MAF: variants seen among roughly 807,000 people sequenced by gnomAD.
MAF encodes MAF bZIP transcription factor.
A neutral mutation model predicts 22.0 loss-of-function variants in MAF; 10 were observed. That is an observed-to-expected ratio of 0.45 (90% CI 0.28 to 0.77). The LOEUF is 0.77. Ranked by LOEUF, MAF falls within the 30% of genes least tolerant of loss-of-function variation. The probability of loss-of-function intolerance (pLI) is 0.12; values close to 1 mark genes in which losing one functional copy is unlikely to be tolerated. For missense variants in MAF, 544 were observed against 548.4 expected (o/e 0.99, Z 0.08); for synonymous variants, 337 against 255.8 (o/e 1.32, Z -3.03).
the MAF span, among the ~76,000 whole-genome samples, chr16:79,567,240 C>T: frequency 2.0e-5 from 3 of 152,088 alleles, no homozygotes; most frequent in African/African-American, 7.2e-5. Context: ...ATCGCTTGAA[C>T]CCAGGAGACA....
the MAF span, among the ~76,000 whole-genome samples, chr16:79,276,334 C>T: frequency 6.6e-6 from 1 of 151,990 alleles, no homozygotes; most frequent in Non-Finnish European, 1.5e-5. Context: ...GACTCGGGGT[C>T]CCCAGCACAG....
downstream of MAF, among the ~76,000 whole-genome samples, chr16:79,584,065 G>A (rs528999834): frequency 6.6e-5 from 10 of 152,162 alleles, no homozygotes; most frequent in African/African-American, 1.9e-4. Flanking sequence ...TGAATATTTT[G>A]TAATATGTCC....
chr16:79,439,538 G>T, the MAF span, among the ~76,000 whole-genome samples: 1 of 152,094 alleles, frequency 6.6e-6, no homozygotes, highest in Non-Finnish European at 1.5e-5. Context: ...GGGATTACAG[G>T]TGTGAGCCAC....
At chr16:79,380,216 A>G in the MAF span, among the ~76,000 whole-genome samples, 3 of 152,210 alleles carry the variant, frequency 2.0e-5, no homozygotes, top group African/African-American at 2.4e-5. Context: ...GCAGACCTTC[A>G]CTTGAGATTC....
At chr16:79,335,982 C>A in the MAF span, among the ~76,000 whole-genome samples, 1 of 152,158 alleles carries the variant, frequency 6.6e-6, no homozygotes, top group Non-Finnish European at 1.5e-5. Context: ...AGCCCAGCTT[C>A]TGGGGATGTG....
At chr16:79,304,633 T>C in the MAF span, among the ~76,000 whole-genome samples, 3 of 152,158 alleles carry the variant, frequency 2.0e-5, no homozygotes, top group Non-Finnish European at 4.4e-5. Flanking sequence ...ATGAAGATTA[T>C]GAAAAATGGT....
chr16:79,221,226 G>A, the MAF span, among the ~76,000 whole-genome samples: 1 of 152,158 alleles, frequency 6.6e-6, no homozygotes, highest in Non-Finnish European at 1.5e-5. Flanking sequence ...ACCTGGTGTG[G>A]CCTAGATTTG....
the MAF span, among the ~76,000 whole-genome samples, chr16:79,223,106 C>A: frequency 6.6e-6 from 1 of 151,568 alleles, no homozygotes; most frequent in Non-Finnish European, 1.5e-5. Context: ...TAAAATTGAC[C>A]ACATAATTGG....
chr16:79,249,180 A>G, the MAF span, among the ~76,000 whole-genome samples: 19,185 of 152,108 alleles, frequency 0.13, 1,473 homozygotes, highest in Middle Eastern at 0.19. Flanking sequence ...AGCACTTTGG[A>G]AAGCTGAGGC....
downstream of MAF, among the ~76,000 whole-genome samples, chr16:79,592,265 C>T (rs1913233043): frequency 6.6e-6 from 1 of 152,242 alleles, no homozygotes; most frequent in East Asian, 1.9e-4. Context: ...TGTGGCAGGA[C>T]TGTGTTTCTT....
the MAF span, among the ~76,000 whole-genome samples, chr16:79,275,198 A>T: frequency 4.6e-5 from 7 of 152,152 alleles, no homozygotes; most frequent in Non-Finnish European, 2.9e-5. Flanking sequence ...TCTACTAAAA[A>T]TACCCAAATT....
the MAF span, among the ~76,000 whole-genome samples, chr16:79,227,130 G>A: frequency 6.6e-6 from 1 of 152,058 alleles, no homozygotes; most frequent in Non-Finnish European, 1.5e-5. Flanking sequence ...TTCAGTCCAG[G>A]AGTTTGAGAT....
At chr16:79,418,409 T>C in the MAF span, among the ~76,000 whole-genome samples, 1 of 152,092 alleles carries the variant, frequency 6.6e-6, no homozygotes, top group South Asian at 2.1e-4. Context: ...TGGGGACGAT[T>C]ATTCACTCAT....
chr16:79,415,701 A>G, the MAF span, among the ~76,000 whole-genome samples: 6,406 of 151,704 alleles, frequency 0.042, 284 homozygotes, highest in African/African-American at 0.11. Context: ...TGCTTGTGCC[A>G]TATTAGAAAG....
chr16:79,567,444 G>A, the MAF span, among the ~76,000 whole-genome samples: 32 of 151,932 alleles, frequency 2.1e-4, no homozygotes, highest in East Asian at 9.7e-4. Flanking sequence ...ACTGAGAAAC[G>A]GATCCATAGA....
At chr16:79,463,380 T>G in the MAF span, among the ~76,000 whole-genome samples, 1 of 152,222 alleles carries the variant, frequency 6.6e-6, no homozygotes, top group African/African-American at 2.4e-5. Flanking sequence ...CAGCTTACCT[T>G]GATGCCCTGA....
chr16:79,216,803 A>G, the MAF span, among the ~76,000 whole-genome samples: 3 of 148,668 alleles, frequency 2.0e-5, no homozygotes, highest in South Asian at 2.1e-4. Flanking sequence ...ATCCTACTCT[A>G]TCTGCTACTT....
the MAF span, among the ~76,000 whole-genome samples, chr16:79,463,196 C>T: frequency 1.3e-5 from 2 of 152,272 alleles, no homozygotes; most frequent in Non-Finnish European, 2.9e-5. Context: ...AAGAAAAGAG[C>T]AAAGCAGAAG....
the MAF span, chr16:79,203,390 C>G: frequency 6.6e-6 from 1 of 152,160 alleles, no homozygotes; most frequent in Non-Finnish European, 1.5e-5. Context: ...GGGGGCCTAC[C>G]TGTGAGATCT....
Sources: gnomAD v4.1 joint callset for allele counts (sites outside exome capture counted in the v4.1 genomes callset) on GRCh38, gnomAD v4.1.1 for gene constraint, MANE v1.5 for transcripts, NCBI Gene and HGNC (gene_info 2026-07-23, HGNC 2026-07-21) for gene names.